NRXN1: variants seen among roughly 807,000 people sequenced by gnomAD.
NRXN1 encodes neurexin 1.
NRXN1 carries 39 observed loss-of-function variants against 150.9 expected under a neutral mutation model. The observed-to-expected ratio is 0.26, with a 90% CI of 0.20 to 0.34. NRXN1 has a LOEUF of 0.34. NRXN1 is among the 10% of genes least tolerant of loss of function. The pLI, the probability that NRXN1 is intolerant of heterozygous loss-of-function variation, is 1.00. For synonymous variants in NRXN1, 924 were observed against 757.0 expected, an observed-to-expected ratio of 1.22 and a Z score of -3.62; for missense variants, 1,815 against 1,949.9, an observed-to-expected ratio of 0.93 and a Z score of 1.30.
At chr2:50,528,548 C>G in intron 12 of NRXN1, 77 bp downstream of exon 12, 1 of 815,640 alleles carries the variant, frequency 1.2e-6, no homozygotes, top group Admixed American at 2.5e-5. Context: ...TTCTCTTGCT[C>G]TCTCTCTCTC....
At chr2:50,337,389 G>A (rs2077265095) in intron 17 of NRXN1, among the ~76,000 whole-genome samples, 1 of 152,098 alleles carries the variant, frequency 6.6e-6, no homozygotes, top group East Asian at 1.9e-4. Flanking sequence ...CTGGCCAAAA[G>A]CATGGACTTT....
chr2:50,626,446 C>T (rs1054024191), intron 5 of NRXN1, among the ~76,000 whole-genome samples: 7 of 151,672 alleles, frequency 4.6e-5, no homozygotes, highest in Non-Finnish European at 7.4e-5. Context: ...AGGAGAATAA[C>T]GATAATCAAA....
At chr2:50,437,385 A>G (rs1480848942) in intron 17 of NRXN1, among the ~76,000 whole-genome samples, 4 of 152,216 alleles carry the variant, frequency 2.6e-5, no homozygotes, top group African/African-American at 9.7e-5. Flanking sequence ...CAATCAGGGA[A>G]GGATCTCGTG....
intron 17 of NRXN1, among the ~76,000 whole-genome samples, chr2:50,446,518 C>CTCCCTCCCTTCCTTCCT (rs2086420338): frequency 7.3e-6 from 1 of 136,874 alleles, no homozygotes; most frequent in Admixed American, 7.3e-5. Flanking sequence ...GTCTTCCTCC[C>CTCCCTCCCTTCCTTCCT]TCCCTCCCTT....
chr2:50,985,495 C>CA (rs1166119484), intron 2 of NRXN1: 2 of 151,356 alleles, frequency 1.3e-5, no homozygotes, highest in Non-Finnish European at 3.0e-5. Flanking sequence ...TCAAGCAATC[C>CA]AACATCAAGT....
intron 21 of NRXN1, among the ~76,000 whole-genome samples, chr2:49,992,313 G>T (rs1424417504): frequency 1.3e-5 from 2 of 151,850 alleles, no homozygotes; most frequent in Non-Finnish European, 2.9e-5. Context: ...GCCAAGGTGG[G>T]TGAATCATGA....
chr2:50,410,409 T>C (rs1343109759), intron 17 of NRXN1, among the ~76,000 whole-genome samples: 3 of 152,336 alleles, frequency 2.0e-5, no homozygotes, highest in East Asian at 1.9e-4. Context: ...TTTGTACCTA[T>C]CTGCCTCTCA....
intron 18 of NRXN1, among the ~76,000 whole-genome samples, chr2:50,110,609 G>T (rs1200770683): frequency 1.3e-5 from 2 of 152,136 alleles, no homozygotes; most frequent in African/African-American, 4.8e-5. Context: ...TTTATATGTG[G>T]GGTGTGTGTG....
At chr2:50,470,116 A>C (rs772797631) in intron 16 of NRXN1, among the ~76,000 whole-genome samples, 1 of 151,720 alleles carries the variant, frequency 6.6e-6, no homozygotes, top group Non-Finnish European at 1.5e-5. Context: ...CACATACCAA[A>C]CAACTTGTAG....
chr2:50,860,631 A>T (rs1675991899), intron 5 of NRXN1, among the ~76,000 whole-genome samples: 1 of 152,066 alleles, frequency 6.6e-6, no homozygotes, highest in African/African-American at 2.4e-5. Context: ...TGAGTCAGGC[A>T]GAGGTAGTCC....
chr2:49,922,625 C>A (rs1332812949), intron 22 of NRXN1, among the ~76,000 whole-genome samples: 1 of 152,086 alleles, frequency 6.6e-6, no homozygotes, highest in Non-Finnish European at 1.5e-5. Context: ...TAGAGGGAAT[C>A]ATAAGAATCA....
At chr2:50,128,176 G>A (rs955264079) in intron 18 of NRXN1, among the ~76,000 whole-genome samples, 4 of 152,118 alleles carry the variant, frequency 2.6e-5, no homozygotes, top group East Asian at 1.9e-4. Flanking sequence ...GCACTGCCTG[G>A]CACATGGTAG....
intron 5 of NRXN1, among the ~76,000 whole-genome samples, chr2:50,745,881 C>T (rs1020702520): frequency 3.3e-5 from 5 of 152,072 alleles, no homozygotes; most frequent in Non-Finnish European, 5.9e-5. Flanking sequence ...ATGGGAACTA[C>T]AATTCAAGAT....
intron 5 of NRXN1, among the ~76,000 whole-genome samples, chr2:50,772,418 C>G (rs541619353): frequency 9.9e-5 from 15 of 151,332 alleles, no homozygotes; most frequent in African/African-American, 3.4e-4. Context: ...ATGGCATTGC[C>G]TTTCTTAAAA....
chr2:50,033,139 T>A (rs1282110214), intron 21 of NRXN1, among the ~76,000 whole-genome samples: 2 of 151,932 alleles, frequency 1.3e-5, no homozygotes, highest in East Asian at 1.9e-4. Context: ...TGTTCACCAC[T>A]GTTTCTACAC....
chr2:50,660,674 T>G (rs1044117929), intron 5 of NRXN1, among the ~76,000 whole-genome samples: 3 of 152,042 alleles, frequency 2.0e-5, no homozygotes, highest in Non-Finnish European at 2.9e-5. Flanking sequence ...TACAGCAATG[T>G]GAATGTCTGG....
chr2:50,504,619 C>T (rs561985970), intron 13 of NRXN1, among the ~76,000 whole-genome samples: 173 of 152,284 alleles, frequency 1.1e-3, no homozygotes, highest in Non-Finnish European at 1.7e-3. Context: ...CATCCTGCTA[C>T]ATCCACCGCA....
intron 5 of NRXN1, among the ~76,000 whole-genome samples, chr2:50,647,764 A>C (rs1685027279): frequency 6.6e-6 from 1 of 151,964 alleles, no homozygotes; most frequent in Non-Finnish European, 1.5e-5. Flanking sequence ...TACACTATTC[A>C]AAAACAAGCA....
chr2:50,702,241 C>G (rs1430362721), intron 5 of NRXN1, among the ~76,000 whole-genome samples: 1 of 151,942 alleles, frequency 6.6e-6, no homozygotes, highest in Non-Finnish European at 1.5e-5. Flanking sequence ...AACATATTTT[C>G]ACATTGAACT....
Sources: gnomAD v4.1 joint callset for allele counts (sites outside exome capture counted in the v4.1 genomes callset) on GRCh38, gnomAD v4.1.1 for gene constraint, MANE v1.5 for transcripts, NCBI Gene and HGNC (gene_info 2026-07-23, HGNC 2026-07-21) for gene names.